The following KIF13A variants were observed in gnomAD, a reference collection of about 807,000 sequenced individuals.
The protein encoded by KIF13A is kinesin-like protein KIF13A.
Under a neutral mutation model 212.2 loss-of-function variants are expected in KIF13A, and 79 were observed. That is an observed-to-expected ratio of 0.37 (90% CI 0.31 to 0.45). The LOEUF (loss-of-function observed/expected upper bound fraction) is 0.45, where lower values mean the gene tolerates loss of function less well. KIF13A is among the 20% of genes least tolerant of loss of function. The pLI, the probability that KIF13A is intolerant of heterozygous loss-of-function variation, is 1.00. For missense variants in KIF13A, 1,901 were observed against 2,209.0 expected, an observed-to-expected ratio of 0.86 and a Z score of 2.79; for synonymous variants, 789 against 808.6, an observed-to-expected ratio of 0.98 and a Z score of 0.41.
intron 2 of KIF13A, among the ~76,000 whole-genome samples, chr6:17,955,853 C>T (rs1184029015): frequency 1.3e-5 from 2 of 152,196 alleles, no homozygotes. Flanking sequence ...CACACATCTA[C>T]ATTTTTGCCT....
intron 12 of KIF13A, among the ~76,000 whole-genome samples, chr6:17,831,671 T>C (rs1329385026): frequency 1.3e-5 from 2 of 148,668 alleles, no homozygotes; most frequent in East Asian, 2.0e-4. Flanking sequence ...TAGGGTGTTC[T>C]TGGGGCATGG....
intron 2 of KIF13A, among the ~76,000 whole-genome samples, chr6:17,975,543 A>C (rs1241527102): frequency 1.3e-5 from 2 of 151,960 alleles, no homozygotes; most frequent in Non-Finnish European, 2.9e-5. Context: ...TGCAAAGACC[A>C]AAAGAAAAAA....
At position 17,858,174 on chromosome 6, in the gene KIF13A, A is replaced by C. The variant is rs1391420488; in HGVS notation, c.221-2052T>G. Reference sequence around the variant, plus strand: ...GAGATCTACAAATGCTAAAGTGTAAAAAATGGATTGGAAAAAATATACCAA... The same window carrying C: ...GAGATCTACAAATGCTAAAGTGTAACAAATGGATTGGAAAAAATATACCAA... On this transcript the variant is annotated intron_variant, in intron 4 of 38. Transcript: ENST00000259711. Among the ~76,000 whole-genome samples the C allele has an allele frequency of 4.6e-5, 7 of 151,922 alleles. No homozygotes were observed. The East Asian group carries it at 1.2e-3, about 25-fold the overall frequency.
rs931020660 is a variant in KIF13A, at chr6:17,914,474, T to C, written c.147-16294A>G. On this transcript the variant is annotated intron_variant, in intron 2 of 38. Transcript: ENST00000259711. The surrounding 1 kb of genome is among the most constrained non-coding windows in gnomAD (Gnocchi z 5.9). ...ATTTAACACAATAATGTTTACATGG[T>C]CTATATGGGCATTTGCAAAATTAAA... 3.3e-5 allele frequency among the ~76,000 whole-genome samples: 5 copies of C among 152,300 alleles called. No homozygotes were observed. The highest frequency in any genetic ancestry group is 7.4e-5 in the Non-Finnish European group (5 of 68,022).
rs564749794 is a variant in KIF13A, at chr6:17,807,455, A to T, written c.2163+1313T>A. Among the ~76,000 whole-genome samples, 3 of 152,198 alleles carry T rather than the reference A, an allele frequency of 2.0e-5. No individual in the cohort carries two copies. In the East Asian group the frequency reaches 5.8e-4, roughly 29 times the overall value. On this transcript the variant is annotated intron_variant, in intron 18 of 38. Transcript: ENST00000259711. Reference sequence around the variant, plus strand: ...GGTCTCCTGCAGTACCCTCAAGCTTACTAGGGTGGGGAAAAACTCCACCCT... The same window carrying T: ...GGTCTCCTGCAGTACCCTCAAGCTTTCTAGGGTGGGGAAAAACTCCACCCT...
intron 17 of KIF13A, among the ~76,000 whole-genome samples, chr6:17,813,914 C>T (rs186965533): frequency 9.5e-4 from 141 of 147,710 alleles, no homozygotes; most frequent in Non-Finnish European, 1.5e-3. Flanking sequence ...GTACCTGGTA[C>T]ATGGTATAAA....
intron 13 of KIF13A, among the ~76,000 whole-genome samples, chr6:17,830,584 T>C (rs1007676606): frequency 6.6e-6 from 1 of 152,190 alleles, no homozygotes; most frequent in Non-Finnish European, 1.5e-5. Context: ...CCTCTACACC[T>C]GAAGGGTGAT....
intron 26 of KIF13A, among the ~76,000 whole-genome samples, chr6:17,788,503 C>A (rs532294828): frequency 2.0e-5 from 3 of 152,168 alleles, no homozygotes; most frequent in Non-Finnish European, 4.4e-5. Flanking sequence ...TGCCAGGAAG[C>A]GCACAAACAG....
At chr6:17,827,200 T>C (rs1263260591) in intron 14 of KIF13A, among the ~76,000 whole-genome samples, 1 of 152,134 alleles carries the variant, frequency 6.6e-6, no homozygotes, top group Non-Finnish European at 1.5e-5. Flanking sequence ...GCTCAAGTGA[T>C]CCTCCCACCT....
intron 18 of KIF13A, among the ~76,000 whole-genome samples, chr6:17,806,310 T>C (rs1006270637): frequency 6.6e-6 from 1 of 152,150 alleles, no homozygotes; most frequent in East Asian, 1.9e-4. Flanking sequence ...AATTATTCTA[T>C]TGTTTGACAT....
At chr6:17,819,084 C>G (rs1764206473) in intron 16 of KIF13A, among the ~76,000 whole-genome samples, 3 of 149,836 alleles carry the variant, frequency 2.0e-5, no homozygotes, top group Non-Finnish European at 4.4e-5. Context: ...ACTGCAAGCT[C>G]CACCTCCCAG....
chr6:17,902,335 T>A (rs151326774), intron 2 of KIF13A, among the ~76,000 whole-genome samples: 15 of 152,354 alleles, frequency 9.8e-5, no homozygotes, highest in African/African-American at 3.1e-4. Context: ...TATTCAAGTA[T>A]TAGTATTTTT....
At chr6:17,972,623 C>T (rs185829829) in intron 2 of KIF13A, among the ~76,000 whole-genome samples, 47 of 152,264 alleles carry the variant, frequency 3.1e-4, no homozygotes, top group African/African-American at 1.1e-3. Context: ...TTTCAACACT[C>T]GCAACAGATG....
At position 17,850,148 on chromosome 6, in the gene KIF13A, T is replaced by C. The variant is rs1032116781; in HGVS notation, c.717+175A>G. On this transcript the variant is annotated intron_variant, in intron 8 of 38. Transcript: ENST00000259711. This position sits in a 1 kb window ranked among gnomAD's most constrained non-coding sequence, Gnocchi z 6.2. ...GGCCAAAATCCAATTTTTTAAAAAG[T>C]CAAATATAAAGAAAGACCTAACAAA... Among the ~76,000 whole-genome samples the C allele has an allele frequency of 2.6e-5, 4 of 152,164 alleles. No homozygotes were observed. Among genetic ancestry groups the C allele is most frequent in the Middle Eastern group, 3.4e-3 (1 of 294 alleles).
At chr6:17,959,839 C>T (rs1171521728) in intron 2 of KIF13A, among the ~76,000 whole-genome samples, 6 of 152,182 alleles carry the variant, frequency 3.9e-5, no homozygotes, top group Admixed American at 3.3e-4. Context: ...GACTGACCAA[C>T]ATGGAGAAAC....
rs1777715969 is a variant in KIF13A, at chr6:17,949,900, T to C, written c.146+37154A>G. 2.0e-5 allele frequency among the ~76,000 whole-genome samples: 3 copies of C among 152,152 alleles called. No homozygotes were observed. In the South Asian group the frequency reaches 6.2e-4, roughly 31 times the overall value. The stretch of plus-strand genomic sequence containing the variant: ...TTGGTGGTTTTAAAAGTAATAATTA[T>C]AATGATTTTCACATTCATAAAACAC... On this transcript the variant is annotated intron_variant, in intron 2 of 38. Coordinates refer to ENST00000259711, the MANE Select transcript of KIF13A (RefSeq NM_022113.6).
rs765080595 is a variant in KIF13A at position 17,852,593 on chromosome 6, T to A, written c.495-551A>T. Among the ~76,000 whole-genome samples, 93 of 152,262 alleles carry A rather than the reference T, an allele frequency of 6.1e-4. 1 individual carries two copies. The highest frequency in any genetic ancestry group is 7.4e-4 in the Non-Finnish European group (50 of 68,016). ...CCACTATGCCTGGCTAGTTTTTATA[T>A]TTTTTGTAGAGATGTGGCTTCACTA... On this transcript the variant is annotated intron_variant, in intron 6 of 38. Coordinates refer to ENST00000259711, the MANE Select transcript of KIF13A (RefSeq NM_022113.6).
rs918667057 is a variant in KIF13A, at chr6:17,772,219, G to A, written c.4325-160C>T. On this transcript the variant is annotated intron_variant, in intron 36 of 38. Coordinates refer to ENST00000259711, the MANE Select transcript of KIF13A (RefSeq NM_022113.6). This position sits in a 1 kb window ranked among gnomAD's most constrained non-coding sequence, Gnocchi z 4.8. The stretch of plus-strand genomic sequence containing the variant: ...TAAAACAGATGTATGCCCACCCTGT[G>A]CAACATAGGGACACCAGTCTGTGAA... 6.6e-6 allele frequency among the ~76,000 whole-genome samples: 1 copy of A among 152,000 alleles called. No individual in the cohort carries two copies. The highest frequency in any genetic ancestry group is 1.5e-5 in the Non-Finnish European group (1 of 68,018).
Position 17,963,377 on chromosome 6 carries a change from C to T in KIF13A, c.146+23677G>A, listed in dbSNP as rs1383755452. 1.3e-5 allele frequency among the ~76,000 whole-genome samples: 2 copies of T among 151,946 alleles called. No individual in the cohort carries two copies. The highest frequency in any genetic ancestry group is 2.4e-5 in the African/African-American group (1 of 41,346). On this transcript the variant is annotated intron_variant, in intron 2 of 38. Transcript: ENST00000259711. The surrounding 1 kb of genome is among the most constrained non-coding windows in gnomAD (Gnocchi z 4.1). ...AGGCTGCAGTGAGCTAAGATCGTGC[C>T]GTTGCACTCTAGCCTGGGCAACAAG... is the stretch of plus-strand genomic sequence containing the variant.
Sources: gnomAD v4.1 joint callset for allele counts (sites outside exome capture counted in the v4.1 genomes callset) on GRCh38, gnomAD v4.1.1 for gene constraint, Gnocchi (gnomAD v3.1) non-coding constraint, MANE v1.5 for transcripts, NCBI Gene and HGNC (gene_info 2026-07-23, HGNC 2026-07-21) for gene names.